Variants in PLA2R1 observed in about 807,000 individuals in gnomAD.
The protein encoded by PLA2R1 is phospholipase A2 receptor 1.
In PLA2R1, 158 loss-of-function variants were observed where a neutral mutation model predicts 195.9. The observed-to-expected ratio is 0.81, with a 90% confidence interval of 0.71 to 0.92. PLA2R1 has a LOEUF of 0.92. Ranked by LOEUF, PLA2R1 falls within the 40% of genes least tolerant of loss-of-function variation. The pLI is 0.00. For missense variants in PLA2R1, 1,626 were observed against 1,764.6 expected (o/e 0.92, Z 1.41); for synonymous variants, 586 against 598.2 (o/e 0.98, Z 0.30).
intron 17 of PLA2R1, among the ~76,000 whole-genome samples, chr2:159,973,918 A>T (rs1277484324): frequency 6.6e-6 from 1 of 152,156 alleles, no homozygotes; most frequent in Non-Finnish European, 1.5e-5. Flanking sequence ...CAACTAGATC[A>T]TGGCAGTGGC....
downstream of PLA2R1, among the ~76,000 whole-genome samples, chr2:159,930,431 A>G (rs934287251): frequency 1.3e-5 from 2 of 151,572 alleles, no homozygotes; most frequent in South Asian, 4.2e-4. Context: ...AAGACTACAC[A>G]TTGGTTACAG....
intron 13 of PLA2R1, among the ~76,000 whole-genome samples, chr2:159,980,117 C>T (rs577200130): frequency 6.6e-6 from 1 of 152,100 alleles, no homozygotes; most frequent in Admixed American, 6.6e-5. Context: ...ACAGCTGATG[C>T]TACTGGCAGG....
At chr2:159,929,868 G>GTA (rs201374077), downstream of PLA2R1, among the ~76,000 whole-genome samples, 534 of 120,332 alleles carry the variant, frequency 4.4e-3, 4 homozygotes, top group Non-Finnish European at 6.8e-3. Context: ...GTGTGTGTGT[G>GTA]TGTGTATATA....
chr2:159,945,197 TTTATTTTTTTATTATTA>T, intron 27 of PLA2R1, 115 bp from the exon 28 acceptor site: 1 of 427,124 alleles, frequency 2.3e-6, no homozygotes, highest in Non-Finnish European at 3.7e-6. Flanking sequence ...TATTTTTATT[TTTATTTTTTTATTATTA>T]TACTTTAAGT....
intron 17 of PLA2R1, among the ~76,000 whole-genome samples, chr2:159,972,165 C>T (rs1185859337): frequency 1.3e-5 from 2 of 152,136 alleles, no homozygotes; most frequent in African/African-American, 4.8e-5. Context: ...TTTATTACCA[C>T]CTCAATTATG....
intron 1 of PLA2R1, among the ~76,000 whole-genome samples, chr2:160,054,350 T>C (rs1428956290): frequency 2.0e-5 from 3 of 152,212 alleles, no homozygotes; most frequent in Non-Finnish European, 4.4e-5. Flanking sequence ...ATTATCTCAG[T>C]CATGATGATC....
intron 17 of PLA2R1, among the ~76,000 whole-genome samples, chr2:159,971,158 A>T (rs947061955): frequency 6.6e-6 from 1 of 152,198 alleles, no homozygotes; most frequent in African/African-American, 2.4e-5. Context: ...CAAAATATGT[A>T]CTTTTTAATA....
intron 23 of PLA2R1, among the ~76,000 whole-genome samples, chr2:159,951,990 A>T (rs896116408): frequency 1.3e-5 from 2 of 152,212 alleles, no homozygotes; most frequent in Non-Finnish European, 2.9e-5. Context: ...ATAGTCATAT[A>T]TTGCATTGCA....
At chr2:159,955,120 A>C in intron 23 of PLA2R1, 79 bp downstream of exon 23, 3 of 1,052,904 alleles carry the variant, frequency 2.8e-6, no homozygotes, top group Non-Finnish European at 2.9e-6. Context: ...TACATTAGCT[A>C]CACAGCTGTG....
intron 11 of PLA2R1, 140 bp downstream of exon 11, chr2:160,005,512 G>A: frequency 5.0e-6 from 3 of 604,422 alleles, no homozygotes; most frequent in Non-Finnish European, 8.7e-6. Context: ...GTCACCCCCT[G>A]TTAACCTGTG....
At chr2:160,002,059 A>G (rs1691635403) in intron 11 of PLA2R1, among the ~76,000 whole-genome samples, 1 of 151,844 alleles carries the variant, frequency 6.6e-6, no homozygotes, top group Non-Finnish European at 1.5e-5. Flanking sequence ...ATGCAAGGCC[A>G]TAATACCAAC....
rs936586648 is a variant in PLA2R1 at position 159,932,838 on chromosome 2, T to C, written c.*8940A>G. 12 of 152,164 alleles carry C rather than the reference T, an allele frequency of 7.9e-5. No individual in the cohort carries two copies. The highest frequency in any genetic ancestry group is 1.2e-4 in the Non-Finnish European group (8 of 68,036). 9.4% of individuals were successfully genotyped at this position (152,164 alleles called of 1,614,324 possible). ...ACAATTTGCTGTATTATATTAAAAA[T>C]ATATTTATTTGAAAAATATCCAGGA... On this transcript the variant is annotated 3_prime_UTR_variant, in exon 30 of 30. Transcript: ENST00000283243.
intron 13 of PLA2R1, among the ~76,000 whole-genome samples, chr2:159,981,714 T>A (rs980254857): frequency 4.6e-5 from 7 of 152,190 alleles, no homozygotes; most frequent in African/African-American, 1.7e-4. Context: ...CAAGAATTTT[T>A]AAATATTTTA....
At chr2:159,929,056 A>G (rs149264334), downstream of PLA2R1, among the ~76,000 whole-genome samples, 1 of 152,382 alleles carries the variant, frequency 6.6e-6, no homozygotes, top group Non-Finnish European at 1.5e-5. Flanking sequence ...ATTCTAGAAG[A>G]TAACATTGGA....
chr2:160,014,920 G>C (rs2105441062), intron 9 of PLA2R1, among the ~76,000 whole-genome samples: 1 of 152,274 alleles, frequency 6.6e-6, no homozygotes, highest in East Asian at 1.9e-4. Context: ...GGAGAGGGAG[G>C]CTGGCAATTT....
rs1178688459 is a variant in PLA2R1, at chr2:159,987,283, AAGTGCCGAC to A, written c.1901_1909del (p.Cys634_His636del). The A allele has an allele frequency of 6.2e-7, 1 of 1,612,938 alleles. No individual in the cohort carries two copies. The highest frequency in any genetic ancestry group is 8.5e-7 in the Non-Finnish European group (1 of 1,179,926). On this transcript the variant is annotated inframe_deletion, in exon 12 of 30. Coordinates refer to ENST00000283243, the MANE Select transcript of PLA2R1 (RefSeq NM_007366.5). ...CTGCTTGCACAAGGACATTGCCTTAAAGTGCCGACAGTGCTTCACTTCCCAGCGACCAAG... is the reference window on the plus strand; with the variant it reads ...CTGCTTGCACAAGGACATTGCCTTAAAGTGCTTCACTTCCCAGCGACCAAG...
intron 2 of PLA2R1, 96 bp downstream of exon 2, chr2:160,044,678 C>T: frequency 1.9e-6 from 2 of 1,054,684 alleles, no homozygotes; most frequent in South Asian, 1.5e-5. Context: ...GTCCAGGCTT[C>T]GTGTACTTCT....
intron 20 of PLA2R1, among the ~76,000 whole-genome samples, chr2:159,965,849 A>C (rs1574686915): frequency 6.6e-6 from 1 of 152,316 alleles, no homozygotes; most frequent in South Asian, 2.1e-4. Context: ...GTAGCTGTGC[A>C]GTGGCAAATC....
intron 28 of PLA2R1, among the ~76,000 whole-genome samples, chr2:159,943,590 C>A (rs2063439): frequency 0.36 from 54,912 of 151,636 alleles, 12,430 homozygotes; most frequent in Non-Finnish European, 0.51. Flanking sequence ...GATGTAGCCT[C>A]AGTTTGCACA....
Sources: allele counts gnomAD v4.1 joint callset (sites outside exome capture counted in the v4.1 genomes callset), GRCh38; gene constraint gnomAD v4.1.1; transcripts MANE v1.5; gene names NCBI Gene and HGNC (gene_info 2026-07-23, HGNC 2026-07-21).